The following NEMP2 variants were observed in gnomAD, a reference collection of about 807,000 sequenced individuals.
NEMP2 encodes UPF0571 transmembrane protein.
Under a neutral mutation model 54.2 loss-of-function variants are expected in NEMP2, and 53 were observed. The ratio of observed to expected loss-of-function variants is 0.98; its 90% CI spans 0.78 to 1.23. The LOEUF is 1.23. NEMP2 is among the 50% of genes most tolerant of loss of function. NEMP2 has a pLI of 0.00. For missense variants in NEMP2, 455 were observed against 511.3 expected (o/e 0.89, Z 1.06); for synonymous variants, 197 against 190.3 (o/e 1.04, Z -0.29).
At chr2:190,559,371 A>G in the NEMP2 span, among the ~76,000 whole-genome samples, 6 of 152,168 alleles carry the variant, frequency 3.9e-5, no homozygotes, top group Non-Finnish European at 7.3e-5. This position sits in a 1 kb window ranked among gnomAD's most constrained non-coding sequence, Gnocchi z 4.0. Flanking sequence ...TGAGTGGGAG[A>G]GAAAGATGAA....
the NEMP2 span, among the ~76,000 whole-genome samples, chr2:190,575,569 A>C: frequency 6.6e-6 from 1 of 152,230 alleles, no homozygotes; most frequent in African/African-American, 2.4e-5. Context: ...ATTTGCTCTC[A>C]CATACAACTC....
the NEMP2 span, among the ~76,000 whole-genome samples, chr2:190,545,325 T>C: frequency 1.3e-5 from 2 of 152,198 alleles, no homozygotes; most frequent in Admixed American, 1.3e-4. Flanking sequence ...AACATTTTTT[T>C]CAATCAGCCA....
chr2:190,448,956 A>G, the NEMP2 span, among the ~76,000 whole-genome samples: 1 of 152,344 alleles, frequency 6.6e-6, no homozygotes, highest in South Asian at 2.1e-4. Flanking sequence ...GTGTATATGC[A>G]TATGCATGTG....
the NEMP2 span, among the ~76,000 whole-genome samples, chr2:190,622,773 C>A: frequency 4.6e-5 from 7 of 151,454 alleles, no homozygotes; most frequent in Admixed American, 3.3e-4. Flanking sequence ...AAAATAAGAT[C>A]AAAAATTAAA....
chr2:190,514,878 T>G lies in NEMP2; in HGVS notation c.728-200A>C, dbSNP rs980193895. Among the ~76,000 whole-genome samples, 7 of 152,122 alleles carry G rather than the reference T, an allele frequency of 4.6e-5. No individual in the cohort carries two copies. The highest frequency in any genetic ancestry group is 7.2e-5 in the African/African-American group (3 of 41,412). On this transcript the variant is annotated intron_variant, in intron 6 of 8. Coordinates refer to ENST00000409150, the MANE Select transcript of NEMP2 (RefSeq NM_001142645.2). The surrounding 1 kb of genome is among the most constrained non-coding windows in gnomAD (Gnocchi z 5.7). ...GATACTAGGCTGACTTTCGCAATAA[T>G]TTGGGATGTACACTCATTATTATGA...
Position 190,519,787 on chromosome 2 carries a change from T to C in NEMP2, c.214-604A>G, listed in dbSNP as rs1471830767. On this transcript the variant is annotated intron_variant, in intron 2 of 8. Transcript: ENST00000409150. This position sits in a 1 kb window ranked among gnomAD's most constrained non-coding sequence, Gnocchi z 5.4. The stretch of plus-strand genomic sequence containing the variant: ...GAGACATTAAAAAGGATAAGAAGAA[T>C]GTACAGGCATACCCATTTTATTGTT... Among the ~76,000 whole-genome samples the C allele has an allele frequency of 6.6e-6, 1 of 152,196 alleles. No individual in the cohort carries two copies. Among genetic ancestry groups the C allele is most frequent in the Non-Finnish European group, 1.5e-5 (1 of 68,040 alleles).
the NEMP2 span, among the ~76,000 whole-genome samples, chr2:190,495,468 A>T: frequency 2.0e-5 from 3 of 152,118 alleles, no homozygotes; most frequent in Admixed American, 2.0e-4. This position sits in a 1 kb window ranked among gnomAD's most constrained non-coding sequence, Gnocchi z 4.7. Context: ...AAATACCACC[A>T]TCATTCTTCA....
the NEMP2 span, among the ~76,000 whole-genome samples, chr2:190,498,916 G>A: frequency 1.3e-5 from 2 of 151,848 alleles, no homozygotes; most frequent in Non-Finnish European, 2.9e-5. The surrounding 1 kb of genome is among the most constrained non-coding windows in gnomAD (Gnocchi z 5.9). Context: ...TTGGGAGGCC[G>A]AGGTGGGTGG....
At chr2:190,491,785 A>G in the NEMP2 span, among the ~76,000 whole-genome samples, 1 of 152,224 alleles carries the variant, frequency 6.6e-6, no homozygotes, top group African/African-American at 2.4e-5. This position sits in a 1 kb window ranked among gnomAD's most constrained non-coding sequence, Gnocchi z 4.2. Context: ...CACTAGCACC[A>G]GCAATAGATC....
Position 190,525,426 on chromosome 2 carries a change from G to A in NEMP2, c.98-48C>T. 2 of 1,158,492 alleles carry A rather than the reference G, an allele frequency of 1.7e-6. No homozygotes were observed. The highest frequency in any genetic ancestry group is 2.4e-6 in the Non-Finnish European group (2 of 817,610). The allele number at this position is 1,158,492 out of a possible 1,614,324, so 71.8% of individuals were successfully genotyped here. ...CATTTTCTAACTGTTTAATTGCCCA[G>A]AATCTTTTTTAAAAAAAGTTTGCAG... On this transcript the variant is annotated intron_variant, in intron 1 of 8. Transcript: ENST00000409150. This position sits in a 1 kb window ranked among gnomAD's most constrained non-coding sequence, Gnocchi z 5.0.
At chr2:190,424,490 C>T in the NEMP2 span, among the ~76,000 whole-genome samples, 1 of 152,040 alleles carries the variant, frequency 6.6e-6, no homozygotes, top group Non-Finnish European at 1.5e-5. The surrounding 1 kb of genome is among the most constrained non-coding windows in gnomAD (Gnocchi z 5.9). Flanking sequence ...CACATGACAC[C>T]ATGCCCAGCT....
At chr2:190,464,444 G>A in the NEMP2 span, among the ~76,000 whole-genome samples, 1 of 152,124 alleles carries the variant, frequency 6.6e-6, no homozygotes, top group Non-Finnish European at 1.5e-5. Context: ...CACACCCTGT[G>A]TTGTTTCTGG....
Position 190,534,587 on chromosome 2 carries a change from G to A in NEMP2, c.69C>T (p.Arg23=). 3 of 1,396,840 alleles carry A rather than the reference G, an allele frequency of 2.1e-6. No individual in the cohort carries two copies. The highest frequency in any genetic ancestry group is 2.3e-4 in the Middle Eastern group (1 of 4,258). 86.5% of individuals were successfully genotyped at this position (1,396,840 alleles called of 1,614,324 possible). Residue 23 remains arginine (R), a synonymous_variant, in exon 1 of 9, where the codon CGC becomes CGT. Coordinates refer to ENST00000409150, the MANE Select transcript of NEMP2 (RefSeq NM_001142645.2). ...ATAACGCTGCCGCCGCCGCCTCCCC[G>A]CGCACGGGCAGTGTGGCCAGGGGCG... ...WLPPLATLPV[R]GEAAAAALSV...
At chr2:190,607,649 ATT>A in the NEMP2 span, 2 of 152,088 alleles carry the variant, frequency 1.3e-5, no homozygotes, top group African/African-American at 4.8e-5. The surrounding 1 kb of genome is among the most constrained non-coding windows in gnomAD (Gnocchi z 5.2). Flanking sequence ...AAATTAATTA[ATT>A]TTTATTGTGG....
At chr2:190,453,348 G>A in the NEMP2 span, among the ~76,000 whole-genome samples, 1 of 152,108 alleles carries the variant, frequency 6.6e-6, no homozygotes, top group Non-Finnish European at 1.5e-5. Flanking sequence ...TATGAGATGG[G>A]GAGGATGCCC....
At chr2:190,469,874 T>C in the NEMP2 span, 2 of 1,535,064 alleles carry the variant, frequency 1.3e-6, no homozygotes, top group Non-Finnish European at 1.8e-6. The surrounding 1 kb of genome is among the most constrained non-coding windows in gnomAD (Gnocchi z 5.3). Context: ...ACAGCTGGGA[T>C]TGAAATTATT....
the NEMP2 span, chr2:190,437,459 G>C: frequency 6.2e-7 from 1 of 1,614,184 alleles, no homozygotes; most frequent in Non-Finnish European, 8.5e-7. The surrounding 1 kb of genome is among the most constrained non-coding windows in gnomAD (Gnocchi z 5.9). Flanking sequence ...GACCTCAATG[G>C]AACTACAACC....
the NEMP2 span, among the ~76,000 whole-genome samples, chr2:190,570,571 C>A: frequency 6.6e-6 from 1 of 152,134 alleles, no homozygotes; most frequent in Non-Finnish European, 1.5e-5. This position sits in a 1 kb window ranked among gnomAD's most constrained non-coding sequence, Gnocchi z 5.4. Flanking sequence ...AATGTCCACA[C>A]CCCAAAGACA....
chr2:190,478,000 G>A, the NEMP2 span, among the ~76,000 whole-genome samples: 2 of 152,188 alleles, frequency 1.3e-5, no homozygotes, highest in Non-Finnish European at 2.9e-5. Flanking sequence ...CCTCTTCAGG[G>A]AGCATAAGTG....
Sources: allele counts gnomAD v4.1 joint callset (sites outside exome capture counted in the v4.1 genomes callset), GRCh38; gene constraint gnomAD v4.1.1; non-coding constraint Gnocchi (gnomAD v3.1); transcripts MANE v1.5; gene names NCBI Gene and HGNC (gene_info 2026-07-23, HGNC 2026-07-21).